Variants in RBFOX3 observed in about 807,000 individuals in gnomAD.
RBFOX3 encodes RNA binding fox-1 homolog 3, also known as RNA binding protein fox-1 homolog 3.
In RBFOX3, 17 loss-of-function variants were observed where a neutral mutation model predicts 48.7. The ratio of observed to expected loss-of-function variants is 0.35; its 90% confidence interval spans 0.24 to 0.52. RBFOX3 has a LOEUF of 0.52. RBFOX3 is among the 20% of genes least tolerant of loss of function. RBFOX3 has a pLI of 0.94. For missense variants in RBFOX3, 382 were observed against 497.5 expected, an observed-to-expected ratio of 0.77 and a Z score of 2.21; for synonymous variants, 212 against 209.5, an observed-to-expected ratio of 1.01 and a Z score of -0.10.
At chr17:79,432,157 C>T (rs2068576498) in intron 2 of RBFOX3, among the ~76,000 whole-genome samples, 1 of 152,200 alleles carries the variant, frequency 6.6e-6, no homozygotes, top group Admixed American at 6.5e-5. Context: ...GAGTAATATT[C>T]TCTGGCATGG....
chr17:79,182,436 G>T (rs897158975), intron 4 of RBFOX3, among the ~76,000 whole-genome samples: 6 of 152,196 alleles, frequency 3.9e-5, no homozygotes, highest in Non-Finnish European at 5.9e-5. Context: ...GAGGCCGAGG[G>T]GCCTGGGGGA....
intron 4 of RBFOX3, among the ~76,000 whole-genome samples, chr17:79,171,656 C>A (rs999780748): frequency 9.0e-5 from 9 of 100,402 alleles, no homozygotes; most frequent in Admixed American, 6.6e-4. Context: ...AAAAATAGAT[C>A]TTGCCACTTT....
Position 79,092,123 on chromosome 17 carries a change from G to T in RBFOX3, c.1078-1238C>A, listed in dbSNP as rs529494225. Reference sequence around the variant, plus strand: ...CTGCGTCAGGGTGCTGGACACTAGGGCCATGGCACGGGGCTGGTCGGGTGG... The same window carrying T: ...CTGCGTCAGGGTGCTGGACACTAGGTCCATGGCACGGGGCTGGTCGGGTGG... On this transcript the variant is annotated intron_variant, in intron 14 of 14. Transcript: ENST00000693108. 1.7e-5 allele frequency: 17 copies of T among 985,480 alleles called. No homozygotes were observed. In the East Asian group the frequency reaches 1.9e-3, roughly 112 times the overall value. The allele number at this position is 985,480 out of a possible 1,614,324, so 61.0% of individuals were successfully genotyped here.
chr17:79,283,137 C>G (rs1053928606), intron 3 of RBFOX3, among the ~76,000 whole-genome samples: 3 of 152,162 alleles, frequency 2.0e-5, no homozygotes, highest in Non-Finnish European at 4.4e-5. Context: ...GATATTTTGT[C>G]ATATGGAACA....
chr17:79,357,255 C>G (rs900029324), intron 2 of RBFOX3, among the ~76,000 whole-genome samples: 8 of 152,256 alleles, frequency 5.3e-5, no homozygotes, highest in African/African-American at 1.9e-4. Context: ...GAAAGAGCGC[C>G]ACTTGTAAGC....
chr17:79,635,996 A>G, the RBFOX3 span, among the ~76,000 whole-genome samples: 1 of 152,162 alleles, frequency 6.6e-6, no homozygotes, highest in Non-Finnish European at 1.5e-5. Context: ...TGGAAGACCT[A>G]TTTGGTGATA....
intron 2 of RBFOX3, among the ~76,000 whole-genome samples, chr17:79,388,875 C>T (rs535508049): frequency 1.1e-4 from 16 of 152,366 alleles, no homozygotes; most frequent in South Asian, 4.1e-4. Context: ...CTGTGCTCAC[C>T]GATCACCATC....
rs934331843 is a variant in RBFOX3, at chr17:79,384,357, G to A, written c.-174-76533C>T. ...GTCCACCCACAGGACATCTGGCCAC[G>A]CCCTCCCTGTCTATGCCTAACAGAC... On this transcript the variant is annotated intron_variant, in intron 2 of 14. Coordinates refer to ENST00000693108, the MANE Select transcript of RBFOX3 (RefSeq NM_001350451.2). 4.6e-5 allele frequency among the ~76,000 whole-genome samples: 7 copies of A among 152,258 alleles called. No homozygotes were observed. The South Asian group carries it at 1.2e-3, about 27-fold the overall frequency.
intron 3 of RBFOX3, among the ~76,000 whole-genome samples, chr17:79,270,242 GCCCTGTGCTGAT>G (rs1470898427): frequency 6.6e-6 from 1 of 152,178 alleles, no homozygotes; most frequent in African/African-American, 2.4e-5. Context: ...TTTGAGAACA[GCCCTGTGCTGAT>G]CACTTCCAAA....
At chr17:79,503,014 C>T (rs2082585942) in intron 1 of RBFOX3, among the ~76,000 whole-genome samples, 1 of 152,212 alleles carries the variant, frequency 6.6e-6, no homozygotes, top group Non-Finnish European at 1.5e-5. Context: ...GCTGGGAGTC[C>T]GAGATCAGGG....
intron 6 of RBFOX3, among the ~76,000 whole-genome samples, chr17:79,104,647 G>A (rs1166223875): frequency 6.6e-6 from 1 of 152,226 alleles, no homozygotes; most frequent in Non-Finnish European, 1.5e-5. Flanking sequence ...ATGGGGGAGA[G>A]GGAGACAGAG....
At chr17:79,642,436 GTA>G in the RBFOX3 span, among the ~76,000 whole-genome samples, 1 of 151,780 alleles carries the variant, frequency 6.6e-6, no homozygotes, top group Non-Finnish European at 1.5e-5. Flanking sequence ...ATTTCACAAT[GTA>G]TATATATATA....
intron 1 of RBFOX3, among the ~76,000 whole-genome samples, chr17:79,515,306 C>T (rs1430625145): frequency 6.6e-6 from 1 of 152,150 alleles, no homozygotes; most frequent in Admixed American, 6.5e-5. Flanking sequence ...TGTGCAGTGC[C>T]CAGCCTACAG....
chr17:79,247,945 T>C (rs538144368), intron 3 of RBFOX3, among the ~76,000 whole-genome samples: 1 of 152,124 alleles, frequency 6.6e-6, no homozygotes, highest in African/African-American at 2.4e-5. Context: ...CTTAGCACAG[T>C]GCCTGGCCCA....
chr17:79,611,733 C>T (rs2093971422), upstream of RBFOX3, among the ~76,000 whole-genome samples: 1 of 152,196 alleles, frequency 6.6e-6, no homozygotes, highest in Non-Finnish European at 1.5e-5. Flanking sequence ...CCCCAAACCC[C>T]CTCACTAGGC....
intron 2 of RBFOX3, among the ~76,000 whole-genome samples, chr17:79,377,209 A>G (rs528967908): frequency 6.6e-6 from 1 of 150,888 alleles, no homozygotes; most frequent in African/African-American, 2.5e-5. Context: ...GTGTACACAA[A>G]GATACACACA....
chr17:79,633,422 G>A, the RBFOX3 span, among the ~76,000 whole-genome samples: 19 of 152,246 alleles, frequency 1.2e-4, no homozygotes, highest in Non-Finnish European at 1.8e-4. Flanking sequence ...AACACAGAAC[G>A]CGTGTCCACC....
intron 2 of RBFOX3, among the ~76,000 whole-genome samples, chr17:79,453,035 G>C (rs2073831736): frequency 6.6e-6 from 1 of 152,196 alleles, no homozygotes; most frequent in African/African-American, 2.4e-5. Flanking sequence ...TGTGGAATGG[G>C]GGTGATCGCA....
intron 2 of RBFOX3, among the ~76,000 whole-genome samples, chr17:79,309,112 A>AAAG (rs1370374460): frequency 1.3e-5 from 2 of 151,506 alleles, no homozygotes; most frequent in African/African-American, 4.8e-5. Flanking sequence ...GTCTCAAAAA[A>AAAG]AAAAAAAACT....
Sources: allele counts gnomAD v4.1 joint callset (sites outside exome capture counted in the v4.1 genomes callset), GRCh38; gene constraint gnomAD v4.1.1; transcripts MANE v1.5; gene names NCBI Gene and HGNC (gene_info 2026-07-23, HGNC 2026-07-21).